The following CLIP1 variants were observed in gnomAD, a reference collection of about 807,000 sequenced individuals.
CLIP1 encodes the protein CAP-Gly domain containing linker protein 1, also known as CAP-Gly domain-containing linker protein 1.
A neutral mutation model predicts 161.6 loss-of-function variants in CLIP1; 66 were observed. That is an observed-to-expected ratio of 0.41 (90% CI 0.33 to 0.50). The LOEUF (loss-of-function observed/expected upper bound fraction) is 0.50. CLIP1 is among the 20% of genes least tolerant of loss of function. The probability of loss-of-function intolerance (pLI) is 0.27; values close to 1 mark genes in which losing one functional copy is unlikely to be tolerated. For missense variants in CLIP1, 1,376 were observed against 1,702.0 expected, an observed-to-expected ratio of 0.81 and a Z score of 3.37; for synonymous variants, 598 against 626.2, an observed-to-expected ratio of 0.96 and a Z score of 0.67.
chr12:122,336,748 C>T lies in CLIP1; in HGVS notation c.2452G>A (p.Ala818Thr). Residue 818 changes from alanine (A) to threonine (T), a missense_variant and splice_region_variant, in exon 12 of 26, where the codon GCT (alanine) becomes ACT (threonine). Transcript: ENST00000620786. ...TGGAGCTCTCTGGTAATGCTACTAG[C>T]CTAACACACAGTGTTACATGGTATA... ...EIEKNAESSK[A>T]SSITRELQGR... is the part of the protein sequence containing the mutation. The T allele has an allele frequency of 6.7e-7, 1 of 1,489,336 alleles. No individual in the cohort carries two copies. The highest frequency in any genetic ancestry group is 1.4e-5 in the African/African-American group (1 of 72,088). The allele number at this position is 1,489,336 out of a possible 1,614,324, so 92.3% of individuals were successfully genotyped here. A position where few individuals can be genotyped will look rare whatever the true frequency, so the allele number is the denominator to read the frequency against.
chr12:122,387,563 TA>T (rs1955343362), intron 1 of CLIP1, among the ~76,000 whole-genome samples: 2 of 9,322 alleles, frequency 2.1e-4, no homozygotes, highest in Admixed American at 1.5e-3. Flanking sequence ...TATATATATA[TA>T]TATATATATA....
rs369048162 is a variant in CLIP1 at position 122,333,433 on chromosome 12, G to T, written c.2711-290C>A. On this transcript the variant is annotated intron_variant, in intron 14 of 25. Coordinates refer to ENST00000620786, the MANE Select transcript of CLIP1 (RefSeq NM_001247997.2). ...CTGACATTTCAGGGAAAACCTGAAG[G>T]AAGTGAGGGAATGGGGAAAAGCAAG... is the stretch of plus-strand genomic sequence containing the variant. 7.9e-5 allele frequency among the ~76,000 whole-genome samples: 12 copies of T among 152,350 alleles called. No individual in the cohort carries two copies. The South Asian group carries it at 2.1e-3, about 26-fold the overall frequency.
chr12:122,402,592 A>G (rs1449336415), intron 1 of CLIP1, among the ~76,000 whole-genome samples: 1 of 152,210 alleles, frequency 6.6e-6, no homozygotes, highest in Non-Finnish European at 1.5e-5. Context: ...CCTGGCCAAC[A>G]TGGTGAAACC....
intron 10 of CLIP1, among the ~76,000 whole-genome samples, chr12:122,344,766 A>G (rs1952664488): frequency 1.3e-5 from 2 of 152,192 alleles, no homozygotes; most frequent in Admixed American, 1.3e-4. Flanking sequence ...CTACAGCACC[A>G]AGCACACTGT....
chr12:122,356,976 C>T lies in CLIP1; in HGVS notation c.1006-1664G>A, dbSNP rs553013887. ...CCAGGCTGGAGTGCAGTAGCGTGATCTCGGCTCGCTACAACCTCCACCTCC... is the reference window on the plus strand; with the variant it reads ...CCAGGCTGGAGTGCAGTAGCGTGATTTCGGCTCGCTACAACCTCCACCTCC... On this transcript the variant is annotated intron_variant, in intron 5 of 25. Transcript: ENST00000620786. 6.6e-5 allele frequency among the ~76,000 whole-genome samples: 10 copies of T among 152,316 alleles called. No individual in the cohort carries two copies. The East Asian group carries it at 1.9e-3, about 29-fold the overall frequency.
intron 4 of CLIP1, 23 bp from the exon 5 acceptor site, chr12:122,361,204 T>A (rs757325705): frequency 6.4e-7 from 1 of 1,554,194 alleles, no homozygotes; most frequent in Non-Finnish European, 8.8e-7. Flanking sequence ...ATAAGAACAA[T>A]AACAAAAAAC....
At chr12:122,360,934 G>A in intron 5 of CLIP1, 25 bp downstream of exon 5, 1 of 1,579,544 alleles carries the variant, frequency 6.3e-7, no homozygotes, top group East Asian at 2.3e-5. Flanking sequence ...GGAAGTGGAG[G>A]CAGGTAGTGA....
chr12:122,383,709 C>CA (rs1049157724), intron 1 of CLIP1, among the ~76,000 whole-genome samples: 15 of 151,804 alleles, frequency 9.9e-5, no homozygotes, highest in African/African-American at 3.6e-4. Flanking sequence ...AGGCTTGCTT[C>CA]AAAAAAACAA....
At chr12:122,390,279 C>CATAT (rs1179187571) in intron 1 of CLIP1, among the ~76,000 whole-genome samples, 6,470 of 78,758 alleles carry the variant, frequency 0.082, 212 homozygotes, top group African/African-American at 0.091. Flanking sequence ...TATATATATA[C>CATAT]ATATATATAT....
At chr12:122,395,523 T>C (rs1955879108) in intron 1 of CLIP1, 1 of 152,202 alleles carries the variant, frequency 6.6e-6, no homozygotes, top group Non-Finnish European at 1.5e-5. Context: ...AGTCGCCCTC[T>C]GGGCTGAAGC....
At chr12:122,403,362 A>G (rs1004790692) in intron 1 of CLIP1, among the ~76,000 whole-genome samples, 6 of 152,146 alleles carry the variant, frequency 3.9e-5, no homozygotes, top group Admixed American at 1.3e-4. Context: ...ACACACCCAC[A>G]TGAAACTCAA....
intron 20 of CLIP1, among the ~76,000 whole-genome samples, chr12:122,307,949 T>A (rs1950931576): frequency 6.6e-6 from 1 of 152,248 alleles, no homozygotes; most frequent in Admixed American, 6.5e-5. Context: ...CCACCCATTC[T>A]TTAAAAGTAA....
intron 17 of CLIP1, among the ~76,000 whole-genome samples, chr12:122,326,036 A>C (rs1297574175): frequency 6.6e-6 from 1 of 152,222 alleles, no homozygotes; most frequent in African/African-American, 2.4e-5. Context: ...TCTTAAAAGT[A>C]GGGAATAGGA....
chr12:122,374,224 C>T (rs570977674), intron 3 of CLIP1, among the ~76,000 whole-genome samples: 2 of 150,596 alleles, frequency 1.3e-5, no homozygotes, highest in East Asian at 4.0e-4. Context: ...GTAACCCCAA[C>T]ACTTTGGGAG....
Position 122,311,247 on chromosome 12 carries a change from C to T in CLIP1, c.3474-1365G>A, listed in dbSNP as rs1951051907. On this transcript the variant is annotated intron_variant, in intron 19 of 25. Transcript: ENST00000620786. This position sits in a 1 kb window ranked among gnomAD's most constrained non-coding sequence, Gnocchi z 4.3. ...ATATTTCCCAGGTGGTCACTGCCTT[C>T]ATGAGTGGCTACATGGTGTCTGCAT... is the stretch of plus-strand genomic sequence containing the variant. Among the ~76,000 whole-genome samples, 1 of 152,014 alleles carries T rather than the reference C, an allele frequency of 6.6e-6. No individual in the cohort carries two copies. Among genetic ancestry groups the T allele is most frequent in the Non-Finnish European group, 1.5e-5 (1 of 68,010 alleles).
chr12:122,394,957 A>G (rs1220774451), intron 1 of CLIP1, among the ~76,000 whole-genome samples: 3 of 152,160 alleles, frequency 2.0e-5, no homozygotes, highest in African/African-American at 4.8e-5. Flanking sequence ...TCCAACTCCA[A>G]CTGAAACAGG....
At chr12:122,415,269 C>G (rs1227311543) in intron 1 of CLIP1, among the ~76,000 whole-genome samples, 1 of 149,226 alleles carries the variant, frequency 6.7e-6, no homozygotes, top group Non-Finnish European at 1.5e-5. Context: ...ATCACGAGGT[C>G]AGGAGATCAA....
intron 3 of CLIP1, among the ~76,000 whole-genome samples, chr12:122,373,157 G>A (rs988874858): frequency 3.9e-5 from 6 of 152,158 alleles, no homozygotes; most frequent in African/African-American, 1.4e-4. Context: ...GGGCGTGGTG[G>A]CTCACGCCTG....
intron 19 of CLIP1, among the ~76,000 whole-genome samples, chr12:122,315,645 C>CTTTTTTT (rs755335257): frequency 7.5e-6 from 1 of 133,202 alleles, no homozygotes; most frequent in Admixed American, 7.1e-5. Flanking sequence ...GATTCCTTTT[C>CTTTTTTT]TTTTTTTTTT....
Sources: allele counts gnomAD v4.1 joint callset (sites outside exome capture counted in the v4.1 genomes callset), GRCh38; gene constraint gnomAD v4.1.1; non-coding constraint Gnocchi (gnomAD v3.1); transcripts MANE v1.5; gene names NCBI Gene and HGNC (gene_info 2026-07-23, HGNC 2026-07-21).